The following FBN2 variants were observed in gnomAD, a reference collection of about 807,000 sequenced individuals.
The protein encoded by FBN2 is fibrillin 2, also known as fibrillin-2.
A neutral mutation model predicts 355.6 loss-of-function variants in FBN2; 105 were observed. The observed-to-expected ratio is 0.30, with a 90% confidence interval of 0.25 to 0.35. The LOEUF is 0.35. Ranked by LOEUF, FBN2 falls within the 10% of genes least tolerant of loss-of-function variation. FBN2 has a pLI of 1.00. For synonymous variants in FBN2, 1,350 were observed against 1,301.2 expected, an observed-to-expected ratio of 1.04 and a Z score of -0.81; for missense variants, 3,280 against 3,758.7, an observed-to-expected ratio of 0.87 and a Z score of 3.33.
intron 18 of FBN2, among the ~76,000 whole-genome samples, chr5:128,363,191 T>G (rs1751682384): frequency 6.6e-6 from 1 of 151,974 alleles, no homozygotes; most frequent in Admixed American, 6.6e-5. Context: ...TCCCTTCCTT[T>G]TCTCTTTTCT....
At chr5:128,377,632 TA>T in intron 13 of FBN2, 119 bp downstream of exon 13, 5 of 1,056,304 alleles carry the variant, frequency 4.7e-6, no homozygotes, top group Non-Finnish European at 7.3e-6. Context: ...GCATTTTACC[TA>T]AGTTACCTGA....
intron 5 of FBN2, among the ~76,000 whole-genome samples, chr5:128,516,634 A>G (rs1756288323): frequency 6.6e-6 from 1 of 152,194 alleles, no homozygotes; most frequent in Non-Finnish European, 1.5e-5. Context: ...GTTCTACATT[A>G]GGAGGAACAA....
At chr5:128,301,312 G>A in intron 47 of FBN2, 70 bp downstream of exon 47, 4 of 1,295,434 alleles carry the variant, frequency 3.1e-6, no homozygotes, top group Non-Finnish European at 3.4e-6. Context: ...TTAAGTGAAA[G>A]GAGGGAGGCA....
chr5:128,279,407 GA>G (rs1251972519), intron 56 of FBN2, among the ~76,000 whole-genome samples: 1 of 152,038 alleles, frequency 6.6e-6, no homozygotes. Flanking sequence ...AAAATGAACA[GA>G]AAATTACACT....
chr5:128,349,089 TGTCTAAATTATCTGGTTAAA>T (rs1335299934), intron 23 of FBN2, among the ~76,000 whole-genome samples: 1 of 152,230 alleles, frequency 6.6e-6, no homozygotes, highest in Admixed American at 6.5e-5. Flanking sequence ...AGACTGAACC[TGTCTAAATTATCTGGTTAAA>T]GAAATGGAAG....
intron 8 of FBN2, among the ~76,000 whole-genome samples, chr5:128,398,025 A>C (rs1005883262): frequency 1.3e-5 from 2 of 152,114 alleles, no homozygotes; most frequent in African/African-American, 4.8e-5. Context: ...AAAAAAAAAG[A>C]TCTCTCTTAA....
intron 5 of FBN2, among the ~76,000 whole-genome samples, chr5:128,498,879 A>T (rs1755729057): frequency 1.3e-5 from 2 of 152,204 alleles, no homozygotes; most frequent in African/African-American, 2.4e-5. Context: ...ATTTGTCATT[A>T]ATTTCCTTCA....
chr5:128,408,241 G>A (rs1308959083), intron 8 of FBN2, among the ~76,000 whole-genome samples: 4 of 152,106 alleles, frequency 2.6e-5, no homozygotes, highest in Non-Finnish European at 5.9e-5. Flanking sequence ...GCATACAATG[G>A]TTTTAATTTG....
intron 8 of FBN2, among the ~76,000 whole-genome samples, chr5:128,405,635 T>C (rs1173709124): frequency 6.6e-6 from 1 of 152,172 alleles, no homozygotes; most frequent in Non-Finnish European, 1.5e-5. Context: ...GATTTTGAAA[T>C]GTAAGTGAGT....
In FBN2 at chr5:128,486,096, G is replaced by A. The variant is rs1198225170; in HGVS notation, c.629-21175C>T. Reference sequence around the variant, plus strand: ...ATCTCATTAATGCCCATATATAAAAGTATGTTCAGAATGTTGTTATCTGCC... The same window carrying A: ...ATCTCATTAATGCCCATATATAAAAATATGTTCAGAATGTTGTTATCTGCC... On this transcript the variant is annotated intron_variant, in intron 5 of 64. Transcript: ENST00000262464. Among the ~76,000 whole-genome samples, 3 of 152,082 alleles carry A rather than the reference G, an allele frequency of 2.0e-5. 1 individual carries two copies. The highest frequency in any genetic ancestry group is 2.9e-5 in the Non-Finnish European group (2 of 68,002).
intron 6 of FBN2, among the ~76,000 whole-genome samples, chr5:128,454,874 AT>A (rs1346311877): frequency 6.6e-6 from 1 of 152,214 alleles, no homozygotes; most frequent in South Asian, 2.1e-4. Flanking sequence ...CATCAATGTT[AT>A]TATCATCAAT....
chr5:128,421,551 T>A (rs995273045), intron 7 of FBN2, among the ~76,000 whole-genome samples: 1 of 152,190 alleles, frequency 6.6e-6, no homozygotes, highest in Non-Finnish European at 1.5e-5. Context: ...AATTGTTGAC[T>A]GTCTAGAGTA....
At chr5:128,499,527 C>A (rs982760052) in intron 5 of FBN2, among the ~76,000 whole-genome samples, 2 of 152,006 alleles carry the variant, frequency 1.3e-5, no homozygotes, top group Admixed American at 6.5e-5. Flanking sequence ...TTTAAAAACT[C>A]CCTGGTGATG....
At chr5:128,417,012 C>T (rs957963307) in intron 7 of FBN2, among the ~76,000 whole-genome samples, 2 of 151,972 alleles carry the variant, frequency 1.3e-5, no homozygotes, top group Non-Finnish European at 2.9e-5. Flanking sequence ...TTGTTTGTGT[C>T]CCCTTCAATT....
intron 8 of FBN2, among the ~76,000 whole-genome samples, chr5:128,396,599 C>G (rs1752656092): frequency 6.6e-6 from 1 of 152,144 alleles, no homozygotes; most frequent in Admixed American, 6.5e-5. Context: ...CACAATGGAT[C>G]AAAATGATCA....
At chr5:128,361,622 A>C (rs1751639283) in intron 19 of FBN2, 101 bp downstream of exon 19, 4 of 1,406,702 alleles carry the variant, frequency 2.8e-6, no homozygotes, top group Non-Finnish European at 4.0e-6. Flanking sequence ...AAAATATTCA[A>C]ACAATATTCT....
At chr5:128,294,563 T>C (rs2126825458) in intron 48 of FBN2, among the ~76,000 whole-genome samples, 2 of 149,694 alleles carry the variant, frequency 1.3e-5, no homozygotes, top group Non-Finnish European at 3.0e-5. Flanking sequence ...CATTGTGGTT[T>C]TGATTTGCAT....
intron 48 of FBN2, among the ~76,000 whole-genome samples, chr5:128,299,404 G>C (rs189974489): frequency 0.014 from 1,935 of 139,614 alleles, 60 homozygotes; most frequent in African/African-American, 0.052. Context: ...AAGCAAGCCT[G>C]GGCAATGGTG....
chr5:128,394,541 G>A (rs1420372817), intron 9 of FBN2, among the ~76,000 whole-genome samples: 1 of 152,052 alleles, frequency 6.6e-6, no homozygotes, highest in Non-Finnish European at 1.5e-5. Context: ...TTTGAGCTCT[G>A]GATGAAAGAT....
Sources: allele counts gnomAD v4.1 joint callset (sites outside exome capture counted in the v4.1 genomes callset), GRCh38; gene constraint gnomAD v4.1.1; transcripts MANE v1.5; gene names NCBI Gene and HGNC (gene_info 2026-07-23, HGNC 2026-07-21).